SEC14L4: variants seen among roughly 807,000 people sequenced by gnomAD.
The protein encoded by SEC14L4 is SEC14 like lipid binding 4, also known as SEC14-like protein 4.
A neutral mutation model predicts 55.1 loss-of-function variants in SEC14L4; 42 were observed. The observed-to-expected ratio is 0.76, with a 90% CI of 0.60 to 0.99. The LOEUF (loss-of-function observed/expected upper bound fraction) is 0.99, where lower values mean the gene tolerates loss of function less well. Ranked by LOEUF, SEC14L4 falls within the 50% of genes least tolerant of loss-of-function variation. The pLI is 0.00. For missense variants in SEC14L4, 445 were observed against 512.1 expected (o/e 0.87, Z 1.27); for synonymous variants, 206 against 206.8 (o/e 1.00, Z 0.03).
At chr22:30,494,321 A>C (rs1936067627) in intron 6 of SEC14L4, 111 bp from the exon 7 acceptor site, 1 of 781,366 alleles carries the variant, frequency 1.3e-6, no homozygotes, top group Non-Finnish European at 2.3e-6. Flanking sequence ...GGCCCATCCT[A>C]CCTTCCCCAC....
chr22:30,491,497 C>T lies in SEC14L4; in HGVS notation c.1081+76G>A, dbSNP rs74525490. ...GCTTACAGAGATCCCCCCACCCTCC[C>T]GAGAGCTGGAAAGAGAGGGCAAGCA... On this transcript the variant is annotated intron_variant, in intron 11 of 11. Transcript: ENST00000255858. 2.3e-3 allele frequency: 3,570 copies of T among 1,571,336 alleles called. 60 individuals are homozygous for T. The African/African-American group carries it at 0.038, about 17-fold the overall frequency.
At chr22:30,492,788 A>T in intron 7 of SEC14L4, 1 of 483,002 alleles carries the variant, frequency 2.1e-6, no homozygotes, top group Non-Finnish European at 3.8e-6. Flanking sequence ...GGCTTTCAAT[A>T]AATGGTTGTC....
rs34092815 is a variant in SEC14L4 at position 30,489,740 on chromosome 22, CT to C, written c.*366del. ...AGGACCTAGGAACCACGCACACCCCCTGAAGCTGGAACACCAGGCATGGGTG... is the reference window on the plus strand; with the variant it reads ...AGGACCTAGGAACCACGCACACCCCCGAAGCTGGAACACCAGGCATGGGTG... On this transcript the variant is annotated 3_prime_UTR_variant, in exon 12 of 12. Transcript: ENST00000255858. 0.21 allele frequency: 190,955 copies of C among 927,116 alleles called. 21,518 individuals are homozygous for C. The highest frequency in any genetic ancestry group is 0.25 in the Admixed American group (12,402 of 49,560). The allele number at this position is 927,116 out of a possible 1,614,324, so 57.4% of individuals were successfully genotyped here.
Position 30,501,952 on chromosome 22 carries a change from C to T in SEC14L4, c.130+1725G>A, listed in dbSNP as rs1180831506. On this transcript the variant is annotated intron_variant, in intron 2 of 11. Transcript: ENST00000255858. Reference sequence around the variant, plus strand: ...CATGATCTCCGCTCACTGCAACCTCCGCCTCCTGGGTTCAAGTGATTCTCG... The same window carrying T: ...CATGATCTCCGCTCACTGCAACCTCTGCCTCCTGGGTTCAAGTGATTCTCG... Among the ~76,000 whole-genome samples the T allele has an allele frequency of 4.7e-5, 7 of 149,902 alleles. No homozygotes were observed. In the East Asian group the frequency reaches 1.2e-3, roughly 25 times the overall value.
chr22:30,493,778 T>C (rs1252126847), intron 7 of SEC14L4, among the ~76,000 whole-genome samples: 1 of 152,124 alleles, frequency 6.6e-6, no homozygotes. Context: ...CCGAAGTGGC[T>C]GGATGACTTG....
intron 11 of SEC14L4, among the ~76,000 whole-genome samples, chr22:30,491,016 G>C (rs886326984): frequency 2.6e-5 from 4 of 152,168 alleles, no homozygotes; most frequent in Non-Finnish European, 5.9e-5. Flanking sequence ...AATGAAATAA[G>C]GTAATGTGTT....
rs142515794 is a variant in SEC14L4 at position 30,502,117 on chromosome 22, C to G, written c.130+1560G>C. Among the ~76,000 whole-genome samples, 19 of 151,710 alleles carry G rather than the reference C, an allele frequency of 1.3e-4. 1 individual carries two copies. Among genetic ancestry groups the G allele is most frequent in the African/African-American group, 4.1e-4 (17 of 41,352 alleles). Reference sequence around the variant, plus strand: ...CTGGCCTCAAGTGATCTGCCCGCCTCGGCCTCCCAAAGTGCTGGGATTACA... The same window carrying G: ...CTGGCCTCAAGTGATCTGCCCGCCTGGGCCTCCCAAAGTGCTGGGATTACA... On this transcript the variant is annotated intron_variant, in intron 2 of 11. Coordinates refer to ENST00000255858, the MANE Select transcript of SEC14L4 (RefSeq NM_174977.4).
At chr22:30,496,029 TA>T (rs1936139664) in intron 2 of SEC14L4, 58 bp from the exon 3 acceptor site, 17 of 1,493,680 alleles carry the variant, frequency 1.1e-5, no homozygotes, top group Non-Finnish European at 1.5e-5. Flanking sequence ...AGCCCTTCCC[TA>T]AAAACTCATG....
In SEC14L4 at chr22:30,496,108, G is replaced by T. The variant is rs550481199; in HGVS notation, c.131-137C>A. ...ATAATACATTGAACATCTAGAAATGGTTGTTTGTTTGTTTGTGTGTTTATT... is the reference window on the plus strand; with the variant it reads ...ATAATACATTGAACATCTAGAAATGTTTGTTTGTTTGTTTGTGTGTTTATT... On this transcript the variant is annotated intron_variant, in intron 2 of 11. Transcript: ENST00000255858. 2.7e-4 allele frequency: 179 copies of T among 665,976 alleles called. 2 individuals are homozygous for T. In the South Asian group the frequency reaches 3.3e-3, roughly 12 times the overall value. The allele number at this position is 665,976 out of a possible 1,614,324, so 41.3% of individuals were successfully genotyped here.
chr22:30,495,234 G>A lies in SEC14L4; in HGVS notation c.423+20C>T. On this transcript the variant is annotated intron_variant, in intron 5 of 11. Coordinates refer to ENST00000255858, the MANE Select transcript of SEC14L4 (RefSeq NM_174977.4). Reference sequence around the variant, plus strand: ...CCACCCTGTAGACAGATGAGGCCCAGCCCCACCCCCGCTGCTCACCTTCTG... The same window carrying A: ...CCACCCTGTAGACAGATGAGGCCCAACCCCACCCCCGCTGCTCACCTTCTG... 1 of 1,583,124 alleles carries A rather than the reference G, an allele frequency of 6.3e-7. No homozygotes were observed. The highest frequency in any genetic ancestry group is 8.6e-7 in the Non-Finnish European group (1 of 1,165,660).
intron 1 of SEC14L4, among the ~76,000 whole-genome samples, chr22:30,505,293 C>T (rs1374061646): frequency 6.6e-6 from 1 of 152,192 alleles, no homozygotes; most frequent in African/African-American, 2.4e-5. Context: ...CCCCCACAAC[C>T]GGGGAACAAG....
At position 30,489,909 on chromosome 22, in the gene SEC14L4, A is replaced by G; in HGVS notation, c.*198T>C. ...AACAGGGAAAGAGGTTCCTGTCTGA[A>G]TCTTCAGCATGGGCTATGCACTGGT... On this transcript the variant is annotated 3_prime_UTR_variant, in exon 12 of 12. Transcript: ENST00000255858. 6.4e-7 allele frequency: 1 copy of G among 1,551,730 alleles called. No individual in the cohort carries two copies. The highest frequency in any genetic ancestry group is 2.4e-5 in the East Asian group (1 of 40,902).
At chr22:30,495,861 C>T in intron 3 of SEC14L4, 67 bp downstream of exon 3, 1 of 1,593,212 alleles carries the variant, frequency 6.3e-7, no homozygotes, top group Non-Finnish European at 8.6e-7. Flanking sequence ...GAGTCTCTAC[C>T]CTTTTGCAGC....
intron 2 of SEC14L4, among the ~76,000 whole-genome samples, chr22:30,497,524 GAAAAAA>G: frequency 8.0e-6 from 1 of 124,464 alleles, no homozygotes; most frequent in South Asian, 2.6e-4. Context: ...GACCCTGTCT[GAAAAAA>G]AAAAAAAAAG....
chr22:30,495,222 A>C (rs369011153), intron 5 of SEC14L4, 32 bp downstream of exon 5: 6 of 1,557,832 alleles, frequency 3.9e-6, no homozygotes, highest in Non-Finnish European at 5.2e-6. Context: ...CCCTGTAGAC[A>C]GATGAGGCCC....
chr22:30,505,253 C>T (rs1245002767), intron 1 of SEC14L4, among the ~76,000 whole-genome samples: 1 of 152,182 alleles, frequency 6.6e-6, no homozygotes, highest in Non-Finnish European at 1.5e-5. Flanking sequence ...CCAAGGCTGC[C>T]CCCGCAGCCG....
intron 2 of SEC14L4, among the ~76,000 whole-genome samples, chr22:30,503,170 CTG>C (rs753638509): frequency 8.5e-5 from 13 of 152,354 alleles, no homozygotes; most frequent in Non-Finnish European, 1.8e-4. Flanking sequence ...GATGAAGAAA[CTG>C]AGGCTCAGTG....
intron 1 of SEC14L4, among the ~76,000 whole-genome samples, chr22:30,504,924 G>A (rs1036245106): frequency 1.2e-4 from 18 of 152,120 alleles, no homozygotes; most frequent in African/African-American, 4.3e-4. Flanking sequence ...AGACCAGCCT[G>A]TCCAAGAGAC....
chr22:30,501,538 G>A (rs1299975154), intron 2 of SEC14L4, among the ~76,000 whole-genome samples: 1 of 152,156 alleles, frequency 6.6e-6, no homozygotes, highest in Non-Finnish European at 1.5e-5. Context: ...CAAATAGAAA[G>A]TGCCACAGCC....
Sources: allele counts gnomAD v4.1 joint callset (sites outside exome capture counted in the v4.1 genomes callset), GRCh38; gene constraint gnomAD v4.1.1; transcripts MANE v1.5; gene names NCBI Gene and HGNC (gene_info 2026-07-23, HGNC 2026-07-21).